PTPN13: variants seen among roughly 807,000 people sequenced by gnomAD.
The protein encoded by PTPN13 is tyrosine-protein phosphatase non-receptor type 13.
In PTPN13, 191 loss-of-function variants were observed where a neutral mutation model predicts 284.0. The ratio of observed to expected loss-of-function variants is 0.67; its 90% confidence interval spans 0.60 to 0.76. The LOEUF is 0.76. PTPN13 is among the 30% of genes least tolerant of loss of function. The pLI is 0.00. For missense variants in PTPN13, 2,797 were observed against 2,939.9 expected (o/e 0.95, Z 1.12); for synonymous variants, 986 against 1,022.3 (o/e 0.96, Z 0.68).
At chr4:86,648,744 T>TA (rs1724733092) in intron 2 of PTPN13, among the ~76,000 whole-genome samples, 1 of 152,142 alleles carries the variant, frequency 6.6e-6, no homozygotes. Flanking sequence ...GATAGATACC[T>TA]AGCAGTGGGA....
At chr4:86,755,117 A>G (rs2149220840) in intron 20 of PTPN13, among the ~76,000 whole-genome samples, 1 of 152,214 alleles carries the variant, frequency 6.6e-6, no homozygotes, top group East Asian at 1.9e-4. Context: ...GGTCAAGATT[A>G]TTAGATGAAA....
intron 1 of PTPN13, among the ~76,000 whole-genome samples, chr4:86,627,764 G>A (rs879318210): frequency 6.6e-6 from 1 of 152,018 alleles, no homozygotes; most frequent in Non-Finnish European, 1.5e-5. Flanking sequence ...TTCTGTAACT[G>A]TAAATTAGTT....
At chr4:86,810,934 G>T in intron 46 of PTPN13, 112 bp from the exon 47 acceptor site, 1 of 920,074 alleles carries the variant, frequency 1.1e-6, no homozygotes. Flanking sequence ...ACTACCAGAA[G>T]GGGAAGAAGA....
intron 2 of PTPN13, among the ~76,000 whole-genome samples, chr4:86,652,649 A>G (rs1457146071): frequency 1.3e-5 from 2 of 151,974 alleles, no homozygotes; most frequent in Non-Finnish European, 2.9e-5. Flanking sequence ...GCTCCTTTAT[A>G]TGTTATTTGT....
intron 2 of PTPN13, among the ~76,000 whole-genome samples, chr4:86,657,378 T>C (rs1725973907): frequency 6.6e-6 from 1 of 152,168 alleles, no homozygotes; most frequent in South Asian, 2.1e-4. Context: ...TCACTGCAAC[T>C]CTTGCAGACC....
Position 86,613,633 on chromosome 4 carries a change from CAA to C in PTPN13, c.-6+18861_-6+18862del, listed in dbSNP as rs544971012. 5.8e-3 allele frequency among the ~76,000 whole-genome samples: 355 copies of C among 61,464 alleles called. 4 individuals are homozygous for C. The highest frequency in any genetic ancestry group is 0.019 in the African/African-American group (325 of 17,312). 40.3% of individuals were successfully genotyped at this position (61,464 alleles called of 152,430 possible). A position where few individuals can be genotyped will look rare whatever the true frequency, so the allele number is the denominator to read the frequency against. Reference sequence around the variant, plus strand: ...TGGGCGACAAGGTGAGACTCCGTCTCAAAAAAAAAAAAAAAAAAGAGTTTGGG... The same window carrying C: ...TGGGCGACAAGGTGAGACTCCGTCTCAAAAAAAAAAAAAAAAGAGTTTGGG... On this transcript the variant is annotated intron_variant, in intron 1 of 47. Coordinates refer to ENST00000411767, the MANE Select transcript of PTPN13 (RefSeq NM_080683.3).
intron 5 of PTPN13, chr4:86,689,691 G>T: frequency 1.4e-6 from 1 of 702,380 alleles, no homozygotes; most frequent in East Asian, 2.7e-5. Context: ...GGGAATCCAT[G>T]CTTGTATCCC....
In PTPN13 at chr4:86,769,757, C is replaced by T. The variant is rs1334611234; in HGVS notation, c.4490-12C>T. On this transcript the variant is annotated splice_polypyrimidine_tract_variant and intron_variant, in intron 28 of 47. Transcript: ENST00000411767. ...AATAATATCTAAATTTTTTTTATAT[C>T]TTTTTCTCCAGAAAATACATTTGAG... 6.5e-7 allele frequency: 1 copy of T among 1,536,218 alleles called. No individual in the cohort carries two copies. Among genetic ancestry groups the T allele is most frequent in the Non-Finnish European group, 8.9e-7 (1 of 1,128,494 alleles).
chr4:86,726,426 T>C (rs1734262898), intron 10 of PTPN13, among the ~76,000 whole-genome samples: 1 of 149,470 alleles, frequency 6.7e-6, no homozygotes, highest in Non-Finnish European at 1.5e-5. Context: ...GCCATTTTCA[T>C]GATATTGATT....
intron 40 of PTPN13, among the ~76,000 whole-genome samples, chr4:86,795,370 G>A (rs542913990): frequency 2.6e-5 from 4 of 152,222 alleles, no homozygotes; most frequent in South Asian, 2.1e-4. Context: ...AATGGCAATC[G>A]TTAAAAAGTC....
At chr4:86,740,637 T>G (rs973865742) in intron 15 of PTPN13, among the ~76,000 whole-genome samples, 2 of 152,196 alleles carry the variant, frequency 1.3e-5, no homozygotes, top group Admixed American at 1.3e-4. Context: ...TGATTAACAT[T>G]TGGCTCCTTG....
At position 86,813,659 on chromosome 4, in the gene PTPN13, T is replaced by G. The variant is rs149557825; in HGVS notation, c.7363-797T>G. ...CCAGGCTGGTCTTGAACTCCTGGCC[T>G]CAAGTGATCCACCTGCCTCGGCCTC... On this transcript the variant is annotated intron_variant, in intron 47 of 47. Coordinates refer to ENST00000411767, the MANE Select transcript of PTPN13 (RefSeq NM_080683.3). Among the ~76,000 whole-genome samples, 246 of 152,246 alleles carry G rather than the reference T, an allele frequency of 1.6e-3. 1 individual carries two copies. Among genetic ancestry groups the G allele is most frequent in the African/African-American group, 5.8e-3 (243 of 41,558 alleles).
At chr4:86,760,131 G>C (rs1738508172) in intron 23 of PTPN13, among the ~76,000 whole-genome samples, 1 of 152,004 alleles carries the variant, frequency 6.6e-6, no homozygotes, top group Admixed American at 6.5e-5. Context: ...TATATATTTT[G>C]TATGTCTGTA....
intron 1 of PTPN13, chr4:86,595,840 A>C: frequency 1.3e-6 from 1 of 786,196 alleles, no homozygotes; most frequent in Non-Finnish European, 1.5e-6. Context: ...AAGTTTACTA[A>C]AGGATGGGGG....
At chr4:86,676,386 T>G (rs1728277125) in intron 3 of PTPN13, among the ~76,000 whole-genome samples, 1 of 152,210 alleles carries the variant, frequency 6.6e-6, no homozygotes. Context: ...TGCAGAGAAA[T>G]TGGAACCCTT....
chr4:86,619,932 T>C (rs919179969), intron 1 of PTPN13, among the ~76,000 whole-genome samples: 1 of 152,110 alleles, frequency 6.6e-6, no homozygotes. Flanking sequence ...GTGGCTCATA[T>C]TCAATAACAT....
intron 32 of PTPN13, 53 bp downstream of exon 32, chr4:86,773,011 T>G: frequency 7.5e-7 from 1 of 1,331,082 alleles, no homozygotes; most frequent in Non-Finnish European, 1.0e-6. Context: ...TAAAAGAAGG[T>G]GTGTTCATAA....
Position 86,775,225 on chromosome 4 carries a change from C to T in PTPN13, c.5563C>T (p.Arg1855Trp), listed in dbSNP as rs1216098431. 7.4e-6 allele frequency: 12 copies of T among 1,613,024 alleles called. No homozygotes were observed. The highest frequency in any genetic ancestry group is 1.6e-4 in the Middle Eastern group (1 of 6,084). Residue 1855 changes from arginine (R) to tryptophan (W), a missense_variant, in exon 34 of 48, where the codon CGG (arginine) becomes TGG (tryptophan). Arg to Trp is a moderately radical substitution (Grantham distance 101). Coordinates refer to ENST00000411767, the MANE Select transcript of PTPN13 (RefSeq NM_080683.3). Reference protein sequence around the residue: ...MTHTDAVNLLRAASKTVRLVI... With the variant: ...MTHTDAVNLLWAASKTVRLVI... ...TCATACAGATGCAGTTAATCTGCTC[C>T]GGGCTGCATCCAAAACAGTCAGATT...
rs375821229 is a variant in PTPN13 at position 86,722,312 on chromosome 4, C to G, written c.1486C>G (p.Leu496Val). 1 of 1,613,558 alleles carries G rather than the reference C, an allele frequency of 6.2e-7. No individual in the cohort carries two copies. The highest frequency in any genetic ancestry group is 8.5e-7 in the Non-Finnish European group (1 of 1,179,772). ...ELMQLQAKMA[L>V]RQSRLSLYPG... is the part of the protein sequence containing the mutation. ...GATGCAGCTACAAGCCAAAATGGCCCTTAGACAGTCTCGGTTGAGCCTATA... is the reference window on the plus strand; with the variant it reads ...GATGCAGCTACAAGCCAAAATGGCCGTTAGACAGTCTCGGTTGAGCCTATA... Residue 496 changes from leucine (L) to valine (V), a missense_variant, in exon 10 of 48, where the codon CTT (leucine) becomes GTT (valine). Physicochemically the swap from Leu to Val is conservative, Grantham distance 32 (BLOSUM62 1). Transcript: ENST00000411767.
Sources: gnomAD v4.1 joint callset for allele counts (sites outside exome capture counted in the v4.1 genomes callset) on GRCh38, gnomAD v4.1.1 for gene constraint, MANE v1.5 for transcripts, NCBI Gene and HGNC (gene_info 2026-07-23, HGNC 2026-07-21) for gene names.